The following USP40 variants were observed in gnomAD, a reference collection of about 807,000 sequenced individuals.
USP40 encodes the protein ubiquitin specific peptidase 40, also known as ubiquitin carboxyl-terminal hydrolase 40.
A neutral mutation model predicts 166.2 loss-of-function variants in USP40; 143 were observed. The ratio of observed to expected loss-of-function variants is 0.86; its 90% CI spans 0.75 to 0.99. The LOEUF is 0.99. Ranked by LOEUF, USP40 falls within the 50% of genes least tolerant of loss-of-function variation. The pLI, the probability that USP40 is intolerant of heterozygous loss-of-function variation, is 0.00. For synonymous variants in USP40, 498 were observed against 524.0 expected (o/e 0.95, Z 0.68); for missense variants, 1,444 against 1,479.7 (o/e 0.98, Z 0.40).
intron 21 of USP40, among the ~76,000 whole-genome samples, chr2:233,509,763 C>T (rs966411195): frequency 1.3e-5 from 2 of 150,214 alleles, no homozygotes; most frequent in Non-Finnish European, 2.9e-5. Context: ...ATCACTTGAA[C>T]CCGGGAGGCA....
Position 233,494,938 on chromosome 2 carries a change from ATATATATATATATATATT to A in USP40, c.2791-1405_2791-1388del, listed in dbSNP as rs1353960729. ...GGCATATATATATATATATATATAT[ATATATATATATATATATT>A]TATATATATATATATATATATATAC... On this transcript the variant is annotated intron_variant, in intron 24 of 31. Coordinates refer to ENST00000678225, the MANE Select transcript of USP40 (RefSeq NM_001365479.2). Among the ~76,000 whole-genome samples the A allele has an allele frequency of 2.4e-3, 116 of 47,580 alleles. 2 individuals carry two copies. Among genetic ancestry groups the A allele is most frequent in the East Asian group, 5.8e-3 (14 of 2,394 alleles). The allele number at this position is 47,580 out of a possible 152,430, so 31.2% of individuals were successfully genotyped here. A position where few individuals can be genotyped will look rare whatever the true frequency, so the allele number is the denominator to read the frequency against.
intron 11 of USP40, 62 bp from the exon 12 acceptor site, chr2:233,529,574 T>C (rs545781473): frequency 1.9e-5 from 25 of 1,316,462 alleles, no homozygotes; most frequent in African/African-American, 9.5e-5. Flanking sequence ...CTGGAAGAGG[T>C]AGCATGAAGA....
At chr2:233,508,287 T>C (rs1029389314) in intron 21 of USP40, among the ~76,000 whole-genome samples, 4 of 152,244 alleles carry the variant, frequency 2.6e-5, no homozygotes, top group African/African-American at 7.2e-5. Flanking sequence ...TTCCTTTGGC[T>C]TGAGTTAGGG....
intron 11 of USP40, among the ~76,000 whole-genome samples, chr2:233,530,205 GACACACAC>G (rs71058561): frequency 2.0e-5 from 3 of 149,266 alleles, no homozygotes; most frequent in Non-Finnish European, 4.5e-5. Flanking sequence ...TCACTCCCAA[GACACACAC>G]ACACACACAC....
chr2:233,521,089 C>T lies in USP40; in HGVS notation c.2227G>A (p.Val743Ile). 2 of 1,582,172 alleles carry T rather than the reference C, an allele frequency of 1.3e-6. No individual in the cohort carries two copies. The highest frequency in any genetic ancestry group is 8.7e-7 in the Non-Finnish European group (1 of 1,155,010). ...NSLLTKEEKW[V>I]TSMNEIDWLH... ...CAGTCAATCTCATTCATACTAGTGA[C>T]CCATTTCTCTTCCTTGGTCAACAAG... Residue 743 changes from valine to isoleucine, a missense_variant, in exon 17 of 32, where the codon GTC becomes ATC. Val to Ile is a conservative substitution (Grantham distance 29). Transcript: ENST00000678225.
At position 233,523,345 on chromosome 2, in the gene USP40, T is replaced by C. The variant is rs2067791324; in HGVS notation, c.2026A>G (p.Thr676Ala). The C allele has an allele frequency of 2.5e-6, 4 of 1,613,920 alleles. No homozygotes were observed. Among genetic ancestry groups the C allele is most frequent in the Non-Finnish European group, 3.4e-6 (4 of 1,179,902 alleles). Residue 676 changes from threonine to alanine, a missense_variant, in exon 16 of 32, where the codon ACT becomes GCT. Thr to Ala is a moderately conservative substitution (Grantham distance 58). Coordinates refer to ENST00000678225, the MANE Select transcript of USP40 (RefSeq NM_001365479.2). ...HVFPANAEVG[T>A]VLTALAIPAG... is the part of the protein sequence containing the mutation. ...GGGATTGCTAAGGCTGTGAGGACAG[T>C]GCCCACTTCTGCATTAGCTGGAAAG...
chr2:233,529,369 G>T, intron 12 of USP40, 62 bp downstream of exon 12: 1 of 1,356,296 alleles, frequency 7.4e-7, no homozygotes, highest in Non-Finnish European at 1.0e-6. Flanking sequence ...AATGCTTAAG[G>T]CCTAAATCAG....
intron 12 of USP40, among the ~76,000 whole-genome samples, 177 bp from the exon 13 acceptor site, chr2:233,527,755 TTC>T (rs1425244542): frequency 6.6e-6 from 1 of 152,208 alleles, no homozygotes; most frequent in African/African-American, 2.4e-5. Context: ...AAAAATTCAG[TTC>T]TGTCACCATG....
At chr2:233,508,496 G>A (rs2066584681) in intron 21 of USP40, among the ~76,000 whole-genome samples, 1 of 152,248 alleles carries the variant, frequency 6.6e-6, no homozygotes, top group Non-Finnish European at 1.5e-5. Flanking sequence ...AGACCTAGAG[G>A]CTTATTCAGA....
intron 30 of USP40, 51 bp downstream of exon 30, chr2:233,485,478 CAT>C (rs776969759): frequency 1.7e-5 from 23 of 1,368,070 alleles, no homozygotes; most frequent in Non-Finnish European, 2.3e-5. Flanking sequence ...TCTATAAAAT[CAT>C]GTGACCCTCG....
intron 3 of USP40, chr2:233,561,190 C>A (rs757461256): frequency 1.3e-6 from 2 of 1,578,946 alleles, no homozygotes; most frequent in East Asian, 2.3e-5. Context: ...TATCTTCAAA[C>A]AAACCAAGCT....
intron 8 of USP40, among the ~76,000 whole-genome samples, chr2:233,543,781 C>A (rs1169518168): frequency 6.6e-6 from 1 of 152,198 alleles, no homozygotes; most frequent in African/African-American, 2.4e-5. Flanking sequence ...AATTACCCAG[C>A]CTAAGTGTTG....
chr2:233,558,942 G>GT (rs1250330830), intron 4 of USP40, among the ~76,000 whole-genome samples: 2 of 152,154 alleles, frequency 1.3e-5, no homozygotes, highest in African/African-American at 4.8e-5. Flanking sequence ...GTATCACCTA[G>GT]TTAAGAAGTG....
At chr2:233,513,880 T>C (rs1371655522) in intron 18 of USP40, among the ~76,000 whole-genome samples, 1 of 152,192 alleles carries the variant, frequency 6.6e-6, no homozygotes, top group South Asian at 2.1e-4. Context: ...TTGAGTGTTC[T>C]GTATAGACAA....
chr2:233,563,599 A>T (rs1031259276), intron 2 of USP40, among the ~76,000 whole-genome samples: 6 of 152,144 alleles, frequency 3.9e-5, no homozygotes, highest in African/African-American at 1.2e-4. Flanking sequence ...CCATACAAAA[A>T]CTTTTATAAT....
At chr2:233,487,925 G>A (rs2065051240) in intron 28 of USP40, 4 of 576,874 alleles carry the variant, frequency 6.9e-6, no homozygotes, top group South Asian at 6.1e-5. Flanking sequence ...CCGTTGGATG[G>A]CAGACTGTCC....
intron 2 of USP40, 51 bp downstream of exon 2, chr2:233,565,305 T>G (rs564881344): frequency 4.4e-4 from 585 of 1,333,964 alleles, no homozygotes; most frequent in Non-Finnish European, 4.8e-4. Context: ...ATTAATTACA[T>G]GTAAAGAAGA....
At chr2:233,561,375 G>C (rs1397656100) in intron 3 of USP40, among the ~76,000 whole-genome samples, 1 of 150,468 alleles carries the variant, frequency 6.6e-6, no homozygotes, top group Non-Finnish European at 1.5e-5. Context: ...CAGAGATATA[G>C]ATCAATGCAA....
chr2:233,488,015 T>A, intron 28 of USP40: 1 of 689,962 alleles, frequency 1.4e-6, no homozygotes, highest in South Asian at 1.5e-5. Flanking sequence ...ACCTGGTGAT[T>A]ACTGAAAAAT....
Sources: gnomAD v4.1 joint callset for allele counts (sites outside exome capture counted in the v4.1 genomes callset) on GRCh38, gnomAD v4.1.1 for gene constraint, MANE v1.5 for transcripts, NCBI Gene and HGNC (gene_info 2026-07-23, HGNC 2026-07-21) for gene names.